TBC1D32: variants seen among roughly 807,000 people sequenced by gnomAD.
TBC1D32 encodes protein broad-minded.
TBC1D32 carries 151 observed loss-of-function variants against 170.3 expected under a neutral mutation model. The observed-to-expected ratio is 0.89, with a 90% CI of 0.78 to 1.01. The LOEUF (loss-of-function observed/expected upper bound fraction) is 1.01. Ranked by LOEUF, TBC1D32 falls within the 50% of genes least tolerant of loss-of-function variation. The pLI, the probability that TBC1D32 is intolerant of heterozygous loss-of-function variation, is 0.00. For synonymous variants in TBC1D32, 498 were observed against 488.0 expected (o/e 1.02, Z -0.27); for missense variants, 1,464 against 1,457.1 (o/e 1.00, Z -0.08).
intron 26 of TBC1D32, among the ~76,000 whole-genome samples, chr6:121,120,511 T>A (rs1321931480): frequency 2.0e-5 from 3 of 152,088 alleles, no homozygotes; most frequent in Non-Finnish European, 4.4e-5. Context: ...CAAATTTCCA[T>A]GACTATCACA....
Position 121,303,777 on chromosome 6 carries a change from A to G in TBC1D32, c.936-16T>C, listed in dbSNP as rs1391810429. 2 of 1,498,524 alleles carry G rather than the reference A, an allele frequency of 1.3e-6. No individual in the cohort carries two copies. The highest frequency in any genetic ancestry group is 2.8e-5 in the African/African-American group (2 of 72,414). 92.8% of individuals were successfully genotyped at this position (1,498,524 alleles called of 1,614,324 possible). A position where few individuals can be genotyped will look rare whatever the true frequency, so the allele number is the denominator to read the frequency against. On this transcript the variant is annotated splice_polypyrimidine_tract_variant and intron_variant, in intron 8 of 31. Transcript: ENST00000398212. ...TTCCATATACCTTAAAGTTTGGGAAAAAAGAAATACAATTACACATATAGT... is the reference window on the plus strand; with the variant it reads ...TTCCATATACCTTAAAGTTTGGGAAGAAAGAAATACAATTACACATATAGT...
chr6:121,255,307 A>T (rs1159004321), intron 17 of TBC1D32, 21 bp downstream of exon 17: 28 of 1,418,780 alleles, frequency 2.0e-5, no homozygotes, highest in Non-Finnish European at 2.7e-5. Flanking sequence ...TAAATGCATG[A>T]CTTTCATCAA....
chr6:121,189,843 C>A (rs1237737106), intron 22 of TBC1D32, among the ~76,000 whole-genome samples: 2 of 151,978 alleles, frequency 1.3e-5, no homozygotes, highest in Non-Finnish European at 2.9e-5. Context: ...GACTGCTAGG[C>A]CCAGAACATA....
chr6:121,159,121 C>A lies in TBC1D32; in HGVS notation c.2773+889G>T, dbSNP rs117292297. The stretch of plus-strand genomic sequence containing the variant: ...GAAAATAAATATTTAAACTACATGC[C>A]TCATTATATACATATTCTTCTTTGG... On this transcript the variant is annotated intron_variant, in intron 24 of 31. Transcript: ENST00000398212. 1.7e-3 allele frequency among the ~76,000 whole-genome samples: 260 copies of A among 152,272 alleles called. 5 individuals carry two copies. The East Asian group carries it at 0.039, about 23-fold the overall frequency.
At chr6:121,229,268 T>A (rs116518358) in intron 20 of TBC1D32, among the ~76,000 whole-genome samples, 1,889 of 152,262 alleles carry the variant, frequency 0.012, 39 homozygotes, top group African/African-American at 0.043. Flanking sequence ...GGTGTACATA[T>A]CTAGACACTA....
intron 25 of TBC1D32, among the ~76,000 whole-genome samples, chr6:121,130,963 C>T (rs1182450143): frequency 6.6e-6 from 1 of 151,954 alleles, no homozygotes; most frequent in Non-Finnish European, 1.5e-5. Flanking sequence ...AATATTTCTC[C>T]AAGAACTAAC....
Position 121,146,153 on chromosome 6 carries a change from T to C in TBC1D32, c.2773+13857A>G, listed in dbSNP as rs527576299. On this transcript the variant is annotated intron_variant, in intron 24 of 31. Transcript: ENST00000398212. ...AGGGTTCTCCAAGAAACAGAACCAA[T>C]AGAATTTGTACATATATAGAAGGAG... Among the ~76,000 whole-genome samples the C allele has an allele frequency of 3.2e-4, 49 of 152,296 alleles. No individual in the cohort carries two copies. In the South Asian group the frequency reaches 9.9e-3, roughly 31 times the overall value.
chr6:121,200,622 A>G (rs1462218740), intron 22 of TBC1D32, among the ~76,000 whole-genome samples: 1 of 151,640 alleles, frequency 6.6e-6, no homozygotes, highest in East Asian at 1.9e-4. Context: ...GTAGAAGAAA[A>G]TAATACTCCC....
chr6:121,183,585 C>G (rs1286487946), intron 22 of TBC1D32, among the ~76,000 whole-genome samples: 1 of 152,080 alleles, frequency 6.6e-6, no homozygotes, highest in Non-Finnish European at 1.5e-5. Flanking sequence ...TATTAGGCAT[C>G]TTGTGCTACA....
Position 121,312,054 on chromosome 6 carries a change from G to A in TBC1D32, c.496-1207C>T, listed in dbSNP as rs544391255. On this transcript the variant is annotated intron_variant, in intron 3 of 31. Coordinates refer to ENST00000398212, the MANE Select transcript of TBC1D32 (RefSeq NM_152730.6). ...AAAGGATGAGTTAATGTCCTTTGCA[G>A]GGACTTGGATGAAGCTGGAAATCAT... 2.6e-5 allele frequency among the ~76,000 whole-genome samples: 4 copies of A among 152,298 alleles called. No homozygotes were observed. The South Asian group carries it at 8.3e-4, about 32-fold the overall frequency.
At chr6:121,285,412 A>G (rs574101243) in intron 12 of TBC1D32, among the ~76,000 whole-genome samples, 70 of 152,284 alleles carry the variant, frequency 4.6e-4, no homozygotes, top group Non-Finnish European at 9.6e-4. Flanking sequence ...AATGTCATCT[A>G]CCAGGAAAAT....
intron 30 of TBC1D32, among the ~76,000 whole-genome samples, chr6:121,103,481 A>G (rs1430377601): frequency 1.3e-5 from 2 of 151,074 alleles, no homozygotes; most frequent in Non-Finnish European, 3.0e-5. Flanking sequence ...AACTATTGCA[A>G]GGACAGAAAA....
At position 121,208,883 on chromosome 6, in the gene TBC1D32, G is replaced by A. The variant is rs77250924; in HGVS notation, c.2482-3720C>T. ...GTGATTTAAAGCCACCCAGTTACCC[G>A]GTTTGTGGTAATGTGTTACGACAGA... On this transcript the variant is annotated intron_variant, in intron 21 of 31. Transcript: ENST00000398212. Among the ~76,000 whole-genome samples, 1,345 of 152,090 alleles carry A rather than the reference G, an allele frequency of 8.8e-3. 24 individuals are homozygous for A. The highest frequency in any genetic ancestry group is 0.031 in the African/African-American group (1,272 of 41,504).
At chr6:121,206,287 C>G (rs533110487) in intron 21 of TBC1D32, among the ~76,000 whole-genome samples, 2 of 151,906 alleles carry the variant, frequency 1.3e-5, no homozygotes, top group African/African-American at 4.8e-5. Context: ...GGGTTCAGGC[C>G]TAAGAAATTT....
chr6:121,246,458 G>A (rs1217979840), intron 17 of TBC1D32, among the ~76,000 whole-genome samples: 1 of 151,804 alleles, frequency 6.6e-6, no homozygotes, highest in Non-Finnish European at 1.5e-5. Context: ...AGTAATTCTG[G>A]TAATTTGACA....
intron 22 of TBC1D32, among the ~76,000 whole-genome samples, chr6:121,180,428 A>G (rs1015288403): frequency 2.0e-5 from 3 of 152,028 alleles, no homozygotes; most frequent in African/African-American, 7.2e-5. Flanking sequence ...AGAATGAAGA[A>G]CCCAGAAATA....
intron 10 of TBC1D32, among the ~76,000 whole-genome samples, chr6:121,298,653 C>T (rs986979948): frequency 1.1e-4 from 16 of 151,918 alleles, no homozygotes; most frequent in Admixed American, 6.6e-5. Flanking sequence ...TCCTATTATT[C>T]AATATCCCTC....
chr6:121,223,453 C>T (rs893026456), intron 20 of TBC1D32, 101 bp from the exon 21 acceptor site: 3 of 767,994 alleles, frequency 3.9e-6, no homozygotes, highest in Non-Finnish European at 6.6e-6. Context: ...TTTGAGGGCT[C>T]ATTTTTAAAT....
chr6:121,255,236 C>A, intron 17 of TBC1D32, 92 bp downstream of exon 17: 1 of 712,796 alleles, frequency 1.4e-6, no homozygotes, highest in Non-Finnish European at 2.1e-6. Context: ...TCCTGTAAAA[C>A]ATTTTTGCCA....
Sources: gnomAD v4.1 joint callset for allele counts (sites outside exome capture counted in the v4.1 genomes callset) on GRCh38, gnomAD v4.1.1 for gene constraint, MANE v1.5 for transcripts, NCBI Gene and HGNC (gene_info 2026-07-23, HGNC 2026-07-21) for gene names.